GRB14: variants seen among roughly 807,000 people sequenced by gnomAD.
The protein encoded by GRB14 is growth factor receptor-bound protein 14.
A neutral mutation model predicts 69.1 loss-of-function variants in GRB14; 38 were observed. The observed-to-expected ratio is 0.55, with a 90% confidence interval of 0.42 to 0.72. The LOEUF (loss-of-function observed/expected upper bound fraction) is 0.72, where lower values mean the gene tolerates loss of function less well. GRB14 is among the 30% of genes least tolerant of loss of function. GRB14 has a pLI of 0.00. For missense variants in GRB14, 666 were observed against 666.1 expected, an observed-to-expected ratio of 1.00 and a Z score of 0.00; for synonymous variants, 247 against 241.3, an observed-to-expected ratio of 1.02 and a Z score of -0.22.
At chr2:164,517,228 T>C (rs940635873) in intron 6 of GRB14, among the ~76,000 whole-genome samples, 7 of 152,030 alleles carry the variant, frequency 4.6e-5, no homozygotes, top group Non-Finnish European at 8.8e-5. Flanking sequence ...AACCATCAGA[T>C]CTTGTGAGAC....
chr2:164,506,396 C>T (rs1342997677), intron 8 of GRB14, among the ~76,000 whole-genome samples: 1 of 152,050 alleles, frequency 6.6e-6, no homozygotes, highest in Non-Finnish European at 1.5e-5. Context: ...CTTCCAATAC[C>T]ACTTCACATC....
chr2:164,505,847 A>AT (rs1317788603), intron 8 of GRB14, among the ~76,000 whole-genome samples: 2 of 151,950 alleles, frequency 1.3e-5, no homozygotes, highest in African/African-American at 4.8e-5. Flanking sequence ...TATTGGCATC[A>AT]TTTTTTTTCC....
chr2:164,588,394 CT>C (rs1234836065), intron 2 of GRB14, among the ~76,000 whole-genome samples: 1 of 152,170 alleles, frequency 6.6e-6, no homozygotes, highest in Non-Finnish European at 1.5e-5. Context: ...AAGAATTTCT[CT>C]ACTTAAATCA....
intron 6 of GRB14, among the ~76,000 whole-genome samples, chr2:164,519,506 C>G (rs1010298582): frequency 4.6e-5 from 7 of 151,934 alleles, no homozygotes; most frequent in African/African-American, 1.7e-4. Flanking sequence ...AAGTCCTAGC[C>G]AGAGCAATCA....
At chr2:164,579,889 C>T (rs1689353771) in intron 2 of GRB14, among the ~76,000 whole-genome samples, 5 of 151,994 alleles carry the variant, frequency 3.3e-5, no homozygotes. Context: ...TTTAATGTAT[C>T]TATTTTCATT....
intron 2 of GRB14, among the ~76,000 whole-genome samples, chr2:164,584,123 T>C (rs754343773): frequency 6.7e-6 from 1 of 149,354 alleles, no homozygotes; most frequent in African/African-American, 2.5e-5. Flanking sequence ...GCTGGGACTA[T>C]AGGCATCCAC....
At chr2:164,516,506 A>T (rs1687490998) in intron 6 of GRB14, among the ~76,000 whole-genome samples, 2 of 152,050 alleles carry the variant, frequency 1.3e-5, no homozygotes, top group South Asian at 4.2e-4. Flanking sequence ...AAAAAAAAGA[A>T]AACCTACCAG....
At chr2:164,599,872 G>T (rs1183559282) in intron 2 of GRB14, among the ~76,000 whole-genome samples, 1 of 152,076 alleles carries the variant, frequency 6.6e-6, no homozygotes, top group Non-Finnish European at 1.5e-5. Flanking sequence ...GACTAAAAAA[G>T]AAAAGACCCA....
At chr2:164,556,679 A>G (rs552452118) in intron 2 of GRB14, among the ~76,000 whole-genome samples, 1 of 152,210 alleles carries the variant, frequency 6.6e-6, no homozygotes, top group African/African-American at 2.4e-5. Context: ...AGGATAAACC[A>G]TTATTTCTGG....
intron 2 of GRB14, among the ~76,000 whole-genome samples, chr2:164,616,747 T>A (rs1255661271): frequency 6.6e-6 from 1 of 152,196 alleles, no homozygotes; most frequent in South Asian, 2.1e-4. Flanking sequence ...AGTACAATTA[T>A]TTTCTTCACT....
chr2:164,535,451 A>C (rs2105297855), intron 3 of GRB14, among the ~76,000 whole-genome samples: 1 of 152,330 alleles, frequency 6.6e-6, no homozygotes, highest in East Asian at 1.9e-4. Flanking sequence ...TGCCAAGTAC[A>C]GCGTGGAGCT....
intron 3 of GRB14, among the ~76,000 whole-genome samples, chr2:164,535,013 A>G (rs1688044324): frequency 6.6e-6 from 1 of 152,240 alleles, no homozygotes; most frequent in Non-Finnish European, 1.5e-5. Context: ...AAAGTAAATT[A>G]CAATTGTCAA....
chr2:164,506,279 C>G (rs1212340289), intron 8 of GRB14, among the ~76,000 whole-genome samples: 1 of 152,134 alleles, frequency 6.6e-6, no homozygotes, highest in Non-Finnish European at 1.5e-5. Context: ...GAAAAACAAG[C>G]AAACCTCTCA....
At chr2:164,497,525 T>C (rs985139600) in intron 9 of GRB14, 35 bp from the exon 10 acceptor site, 1 of 1,326,186 alleles carries the variant, frequency 7.5e-7, no homozygotes, top group East Asian at 2.3e-5. Context: ...TTATGAAAAT[T>C]TCTTTGAAAG....
At chr2:164,548,093 A>C (rs1202327775) in intron 2 of GRB14, among the ~76,000 whole-genome samples, 1 of 152,138 alleles carries the variant, frequency 6.6e-6, no homozygotes, top group African/African-American at 2.4e-5. Context: ...TGTGCATTAG[A>C]GCTCTAGATG....
Position 164,621,330 on chromosome 2 carries a change from G to A in GRB14, c.-21C>T, listed in dbSNP as rs1287093891. The A allele has an allele frequency of 7.8e-7, 1 of 1,278,944 alleles. No homozygotes were observed. Among genetic ancestry groups the A allele is most frequent in the Non-Finnish European group, 9.9e-7 (1 of 1,012,880 alleles). 79.2% of individuals were successfully genotyped at this position (1,278,944 alleles called of 1,614,324 possible). A position where few individuals can be genotyped will look rare whatever the true frequency, so the allele number is the denominator to read the frequency against. On this transcript the variant is annotated 5_prime_UTR_variant, in exon 1 of 14. Coordinates refer to ENST00000263915, the MANE Select transcript of GRB14 (RefSeq NM_004490.3). The surrounding 1 kb of genome is among the most constrained non-coding windows in gnomAD (Gnocchi z 6.0). The stretch of plus-strand genomic sequence containing the variant: ...GTCATTGTCGCCGGCCGGGGGGCTC[G>A]GGCGTCATGGGAGACTCGGCGCGTG...
At chr2:164,557,366 A>C (rs1293688653) in intron 2 of GRB14, among the ~76,000 whole-genome samples, 2 of 152,238 alleles carry the variant, frequency 1.3e-5, no homozygotes, top group African/African-American at 4.8e-5. Flanking sequence ...ATGCTTTTCA[A>C]GATACACAAG....
At chr2:164,506,864 A>T (rs906169447) in intron 8 of GRB14, among the ~76,000 whole-genome samples, 6 of 152,296 alleles carry the variant, frequency 3.9e-5, no homozygotes, top group African/African-American at 1.4e-4. Flanking sequence ...GCTAAGTAAA[A>T]GTCAGAAACA....
At chr2:164,551,241 C>T (rs1014049490) in intron 2 of GRB14, among the ~76,000 whole-genome samples, 1 of 152,158 alleles carries the variant, frequency 6.6e-6, no homozygotes, top group African/African-American at 2.4e-5. Flanking sequence ...GAGCATGTGA[C>T]TTAATCAGAA....
Sources: allele counts gnomAD v4.1 joint callset (sites outside exome capture counted in the v4.1 genomes callset), GRCh38; gene constraint gnomAD v4.1.1; non-coding constraint Gnocchi (gnomAD v3.1); transcripts MANE v1.5; gene names NCBI Gene and HGNC (gene_info 2026-07-23, HGNC 2026-07-21).